DGAT1: variants seen among roughly 807,000 people sequenced by gnomAD.
The protein encoded by DGAT1 is diacylglycerol O-acyltransferase 1, also known as ACAT related gene product 1.
A neutral mutation model predicts 72.6 loss-of-function variants in DGAT1; 60 were observed. That is an observed-to-expected ratio of 0.83 (90% CI 0.67 to 1.02). DGAT1 has a LOEUF of 1.02. Ranked by LOEUF, DGAT1 falls within the 50% of genes least tolerant of loss-of-function variation. The pLI, the probability that DGAT1 is intolerant of heterozygous loss-of-function variation, is 0.00. For missense variants in DGAT1, 592 were observed against 670.0 expected, an observed-to-expected ratio of 0.88 and a Z score of 1.29; for synonymous variants, 290 against 267.5, an observed-to-expected ratio of 1.08 and a Z score of -0.82.
At position 144,317,043 on chromosome 8, in the gene DGAT1, C is replaced by T. The variant is rs1554847184; in HGVS notation, c.1227G>A (p.Leu409=). 2 of 1,612,420 alleles carry T rather than the reference C, an allele frequency of 1.2e-6. No individual in the cohort carries two copies. The highest frequency in any genetic ancestry group is 2.2e-5 in the East Asian group (1 of 44,890). Residue 409 remains leucine, a synonymous_variant, in exon 15 of 17, where the codon CTG becomes CTA. Transcript: ENST00000528718. The stretch of plus-strand genomic sequence containing the variant: ...TGACCTCGTGGAAGAAGGCCGAGGC[C>T]AGGAACACCCCTGTCCTGGCCATCC... ...SKWMARTGVF[L]ASAFFHEYLV...
intron 8 of DGAT1, 23 bp from the exon 9 acceptor site, chr8:144,318,040 G>C: frequency 6.6e-7 from 1 of 1,517,758 alleles, no homozygotes; most frequent in South Asian, 1.3e-5. Context: ...TGGGGGGTTG[G>C]TACCAGAACA....
rs907476632 is a variant in DGAT1, at chr8:144,314,904, G to C, written c.*1650C>G. 3.0e-6 allele frequency: 3 copies of C among 986,642 alleles called. No individual in the cohort carries two copies. The highest frequency in any genetic ancestry group is 6.0e-5 in the Admixed American group (1 of 16,576). The allele number at this position is 986,642 out of a possible 1,614,324, so 61.1% of individuals were successfully genotyped here. A position where few individuals can be genotyped will look rare whatever the true frequency, so the allele number is the denominator to read the frequency against. ...CATGTGCTTGCAGTTCTTTATTGAG[G>C]GACCAGGGGTGGGCGCCTCACCTTG... On this transcript the variant is annotated 3_prime_UTR_variant, in exon 17 of 17. Transcript: ENST00000528718.
intron 1 of DGAT1, among the ~76,000 whole-genome samples, chr8:144,321,612 AC>A (rs1554848170): frequency 6.6e-6 from 1 of 152,126 alleles, no homozygotes; most frequent in Non-Finnish European, 1.5e-5. Flanking sequence ...CAGAGCCTGC[AC>A]CTCCAGGCAG....
intron 1 of DGAT1, among the ~76,000 whole-genome samples, chr8:144,324,177 G>A (rs189142472): frequency 5.5e-4 from 84 of 152,344 alleles, no homozygotes; most frequent in African/African-American, 2.0e-3. Flanking sequence ...TTGCCACGGG[G>A]CCGGAAGAAA....
rs782802480 is a variant in DGAT1 at position 144,316,706 on chromosome 8, G to A, written c.1315C>T (p.Pro439Ser). 1.9e-6 allele frequency: 3 copies of A among 1,611,452 alleles called. No homozygotes were observed. The Admixed American group carries it at 5.0e-5, about 27-fold the overall frequency. The change falls in exon 17 of 17, where the codon CCA becomes TCA. Residue 439 changes from proline (P) to serine (S), a missense_variant. Pro to Ser is a moderately conservative substitution (Grantham distance 74). Coordinates refer to ENST00000528718, the MANE Select transcript of DGAT1 (RefSeq NM_012079.6). ...AAGCGGCCCACGAACCAGGCCAGTG[G>A]GATCTAGGGAGTGAGGGGCCAAGTC... is the stretch of plus-strand genomic sequence containing the variant. ...WAFTGMMAQIPLAWFVGRFFQ... is the reference protein window; with the variant it reads ...WAFTGMMAQISLAWFVGRFFQ...
rs1482395852 is a variant in DGAT1 at position 144,315,775 on chromosome 8, C to T, written c.*779G>A. The T allele has an allele frequency of 2.1e-6, 2 of 941,386 alleles. No individual in the cohort carries two copies. The highest frequency in any genetic ancestry group is 3.5e-5 in the African/African-American group (2 of 56,378). The allele number at this position is 941,386 out of a possible 1,614,324, so 58.3% of individuals were successfully genotyped here. A position where few individuals can be genotyped will look rare whatever the true frequency, so the allele number is the denominator to read the frequency against. On this transcript the variant is annotated 3_prime_UTR_variant, in exon 17 of 17. Coordinates refer to ENST00000528718, the MANE Select transcript of DGAT1 (RefSeq NM_012079.6). ...GGAGGGCAGCTGAGAGCCACCAGCC[C>T]ACCTGGCTGCCCAGGTTCCAAGTGA...
chr8:144,315,517 G>A lies in DGAT1; in HGVS notation c.*1037C>T, dbSNP rs1472143520. ...CACCAGGGCCTGGTCCAGTCTTGGG[G>A]TCTTTAATCAAGCAGTCACCCCAGC... On this transcript the variant is annotated 3_prime_UTR_variant, in exon 17 of 17. Coordinates refer to ENST00000528718, the MANE Select transcript of DGAT1 (RefSeq NM_012079.6). The A allele has an allele frequency of 2.0e-6, 2 of 985,460 alleles. No homozygotes were observed. Among genetic ancestry groups the A allele is most frequent in the Non-Finnish European group, 2.4e-6 (2 of 830,066 alleles). 61.0% of individuals were successfully genotyped at this position (985,460 alleles called of 1,614,324 possible).
Position 144,316,268 on chromosome 8 carries a change from A to G in DGAT1, c.*286T>C. ...GTGGCCATACCCCCCACCAGGCCCC[A>G]GGCCCCTGGCAGGCTGAAGAGGTCA... On this transcript the variant is annotated 3_prime_UTR_variant, in exon 17 of 17. Transcript: ENST00000528718. 2.5e-6 allele frequency: 1 copy of G among 403,274 alleles called. No individual in the cohort carries two copies. The highest frequency in any genetic ancestry group is 3.5e-5 in the South Asian group (1 of 28,724). 25.0% of individuals were successfully genotyped at this position (403,274 alleles called of 1,614,324 possible). A position where few individuals can be genotyped will look rare whatever the true frequency, so the allele number is the denominator to read the frequency against.
chr8:144,316,780 T>TG, intron 16 of DGAT1, 71 bp from the exon 17 acceptor site: 1 of 1,596,738 alleles, frequency 6.3e-7, no homozygotes, highest in Non-Finnish European at 8.5e-7. Context: ...TCCCTGGGCA[T>TG]GGGGAGGGTC....
rs143832649 is a variant in DGAT1, at chr8:144,323,097, C to T, written c.201-1689G>A. 9.7e-4 allele frequency among the ~76,000 whole-genome samples: 148 copies of T among 152,330 alleles called. 2 individuals carry two copies. The highest frequency in any genetic ancestry group is 1.3e-3 in the Non-Finnish European group (87 of 68,034). On this transcript the variant is annotated intron_variant, in intron 1 of 16. Transcript: ENST00000528718. ...CCCCAAGTTCGAGCCCATTTGTTTT[C>T]AGCAGAACAATCCCAAGCCTCAGGG...
Position 144,316,729 on chromosome 8 carries a change from G to A in DGAT1, c.1312-20C>T. 1 of 1,608,882 alleles carries A rather than the reference G, an allele frequency of 6.2e-7. No homozygotes were observed. Among genetic ancestry groups the A allele is most frequent in the Non-Finnish European group, 8.5e-7 (1 of 1,177,702 alleles). On this transcript the variant is annotated intron_variant, in intron 16 of 16. Transcript: ENST00000528718. ...TGGGATCTAGGGAGTGAGGGGCCAA[G>A]TCAGTCGGCCATGGTGACCACAGGG...
chr8:144,318,846 C>T lies in DGAT1; in HGVS notation c.404G>A (p.Cys135Tyr). Residue 135 changes from cysteine (C) to tyrosine (Y), a missense_variant, in exon 4 of 17, where the codon TGC becomes TAC. Cys to Tyr is a radical substitution (Grantham distance 194). Transcript: ENST00000528718. Reference sequence around the variant, plus strand: ...AGAGCCCAGCTCACCAATAACCAGGCATGGGGCGGGCCAGCTATAGGGATC... The same window carrying T: ...AGAGCCCAGCTCACCAATAACCAGGTATGGGGCGGGCCAGCTATAGGGATC... Reference protein sequence around the residue: ...LKDPYSWPAPCLVIAANVFAV... With the variant: ...LKDPYSWPAPYLVIAANVFAV... 2 of 1,612,274 alleles carry T rather than the reference C, an allele frequency of 1.2e-6. No homozygotes were observed. Among genetic ancestry groups the T allele is most frequent in the Non-Finnish European group, 1.7e-6 (2 of 1,179,218 alleles).
chr8:144,318,983 C>G, intron 3 of DGAT1, 45 bp downstream of exon 3: 1 of 1,529,548 alleles, frequency 6.5e-7, no homozygotes. Context: ...GGGGCCTGGA[C>G]AGGCCATGGG....
rs781984067 is a variant in DGAT1 at position 144,316,634 on chromosome 8, T to C, written c.1387A>G (p.Ile463Val). 3 of 1,609,906 alleles carry C rather than the reference T, an allele frequency of 1.9e-6. No individual in the cohort carries two copies. Among genetic ancestry groups the C allele is most frequent in the Non-Finnish European group, 2.5e-6 (3 of 1,178,850 alleles). Residue 463 changes from isoleucine to valine, a missense_variant, in exon 17 of 17, where the codon ATC (isoleucine) becomes GTC (valine). Coordinates refer to ENST00000528718, the MANE Select transcript of DGAT1 (RefSeq NM_012079.6). ...ATGAGGACGGCTATTGGCTGTCCGA[T>C]GATGAGCGACAGCCACACAGCTGCG... is the stretch of plus-strand genomic sequence containing the variant. ...GNAAVWLSLI[I>V]GQPIAVLMYV...
rs781914459 is a variant in DGAT1, at chr8:144,317,988, A to G, written c.781T>C (p.Leu261=). ...CGGGGAAAGTTGAGCTCGTAGCACA[A>G]GGTGGGGGCGAAGAGGAAGTAGTAG... is the stretch of plus-strand genomic sequence containing the variant. The part of the protein sequence containing the change: ...DLYYFLFAPT[L]CYELNFPRSP... The change falls in exon 9 of 17, where the codon TTG becomes CTG. Residue 261 remains leucine, a synonymous_variant. Coordinates refer to ENST00000528718, the MANE Select transcript of DGAT1 (RefSeq NM_012079.6). 5.9e-6 allele frequency: 9 copies of G among 1,519,402 alleles called. No homozygotes were observed. In the Admixed American group the frequency reaches 1.1e-4, roughly 19 times the overall value. The allele number at this position is 1,519,402 out of a possible 1,614,324, so 94.1% of individuals were successfully genotyped here.
At position 144,316,111 on chromosome 8, in the gene DGAT1, G is replaced by A. The variant is rs550904114; in HGVS notation, c.*443C>T. 107 of 217,336 alleles carry A rather than the reference G, an allele frequency of 4.9e-4. No homozygotes were observed. The highest frequency in any genetic ancestry group is 2.4e-3 in the African/African-American group (101 of 42,900). 13.5% of individuals were successfully genotyped at this position (217,336 alleles called of 1,614,324 possible). A position where few individuals can be genotyped will look rare whatever the true frequency, so the allele number is the denominator to read the frequency against. The stretch of plus-strand genomic sequence containing the variant: ...TGAGCTTTTCTAGGTAGGGGAGTGT[G>A]GGGAATGGGGGCGTCTGCCTGGCCT... On this transcript the variant is annotated 3_prime_UTR_variant, in exon 17 of 17. Transcript: ENST00000528718.
At chr8:144,326,367 G>C in intron 1 of DGAT1, 70 bp downstream of exon 1, 1 of 1,309,980 alleles carries the variant, frequency 7.6e-7, no homozygotes, top group Non-Finnish European at 9.9e-7. Context: ...CTCGGAGCTC[G>C]CGCTTCGGCC....
chr8:144,326,632 C>A lies in DGAT1; in HGVS notation c.5G>T (p.Gly2Val), dbSNP rs1554848831. 3 of 1,207,406 alleles carry A rather than the reference C, an allele frequency of 2.5e-6. No homozygotes were observed. The highest frequency in any genetic ancestry group is 3.1e-6 in the Non-Finnish European group (3 of 971,338). 74.8% of individuals were successfully genotyped at this position (1,207,406 alleles called of 1,614,324 possible). A position where few individuals can be genotyped will look rare whatever the true frequency, so the allele number is the denominator to read the frequency against. The change falls in exon 1 of 17, where the codon GGC (glycine) becomes GTC (valine). Residue 2 changes from glycine (G) to valine (V), a missense_variant. Physicochemically the swap from Gly to Val is moderately radical, Grantham distance 109 (BLOSUM62 -3). Transcript: ENST00000528718. ...CCGGCGCCGGGAGCTGCCGCGGTCG[C>A]CCATGGCCTCAGCCCGCACCCGGCC... Reference protein sequence around the residue: MGDRGSSRRRRT... With the variant: MVDRGSSRRRRT...
chr8:144,320,423 C>A (rs1472949856), intron 2 of DGAT1, among the ~76,000 whole-genome samples: 3 of 152,186 alleles, frequency 2.0e-5, no homozygotes, highest in Non-Finnish European at 4.4e-5. Flanking sequence ...CTGGCCACCC[C>A]CAGGGAACCT....
Sources: allele counts gnomAD v4.1 joint callset (sites outside exome capture counted in the v4.1 genomes callset), GRCh38; gene constraint gnomAD v4.1.1; transcripts MANE v1.5; gene names NCBI Gene and HGNC (gene_info 2026-07-23, HGNC 2026-07-21).